The following RIMKLB variants were observed in gnomAD, a reference collection of about 807,000 sequenced individuals.
The protein encoded by RIMKLB is beta-citrylglutamate synthase B.
A neutral mutation model predicts 32.0 loss-of-function variants in RIMKLB; 7 were observed. That is an observed-to-expected ratio of 0.22 (90% CI 0.12 to 0.41). The LOEUF is 0.41. RIMKLB is among the 10% of genes least tolerant of loss of function. The pLI, the probability that RIMKLB is intolerant of heterozygous loss-of-function variation, is 1.00. For synonymous variants in RIMKLB, 172 were observed against 185.1 expected (o/e 0.93, Z 0.57); for missense variants, 289 against 498.7 (o/e 0.58, Z 4.00).
the RIMKLB span, among the ~76,000 whole-genome samples, chr12:8,671,354 A>G: frequency 3.3e-5 from 5 of 151,934 alleles, no homozygotes; most frequent in African/African-American, 9.7e-5. Context: ...AGGTTCAAGC[A>G]ATTATCCTGC....
At chr12:8,697,503 G>A (rs2136620741), upstream of RIMKLB, among the ~76,000 whole-genome samples, 1 of 152,208 alleles carries the variant, frequency 6.6e-6, no homozygotes, top group African/African-American at 2.4e-5. Context: ...GGCGCAGATT[G>A]ATGGGGCCTA....
At chr12:8,708,163 A>G (rs1238224019) in intron 1 of RIMKLB, among the ~76,000 whole-genome samples, 2 of 152,142 alleles carry the variant, frequency 1.3e-5, no homozygotes, top group East Asian at 3.8e-4. Flanking sequence ...AGAGTTTTAT[A>G]CATATTCTAT....
At chr12:8,759,114 A>T (rs1949313641) in intron 5 of RIMKLB, among the ~76,000 whole-genome samples, 3 of 152,146 alleles carry the variant, frequency 2.0e-5, no homozygotes, top group South Asian at 4.1e-4. Flanking sequence ...AAAAAAATGT[A>T]TGGCCAGGCA....
At chr12:8,719,779 A>G in intron 2 of RIMKLB, among the ~76,000 whole-genome samples, 1 of 152,246 alleles carries the variant, frequency 6.6e-6, no homozygotes, top group East Asian at 1.9e-4. Flanking sequence ...GCAAAAAGAT[A>G]TATAGAAAAC....
chr12:8,777,609 A>AAT, downstream of RIMKLB: 2 of 1,288,944 alleles, frequency 1.6e-6, no homozygotes, highest in Non-Finnish European at 2.0e-6. Flanking sequence ...GAGCCAAAAA[A>AAT]ACAAATACAA....
chr12:8,751,308 A>G (rs1565615002), intron 3 of RIMKLB, among the ~76,000 whole-genome samples: 1 of 152,190 alleles, frequency 6.6e-6, no homozygotes. Context: ...CACTTGTTTA[A>G]TGGACTTTTT....
At chr12:8,731,770 AT>A (rs1374102790) in intron 2 of RIMKLB, among the ~76,000 whole-genome samples, 3 of 150,958 alleles carry the variant, frequency 2.0e-5, no homozygotes, top group Non-Finnish European at 3.0e-5. Context: ...ATACCTGCGG[AT>A]TTTTTTTTAA....
chr12:8,671,296 G>A, the RIMKLB span, among the ~76,000 whole-genome samples: 6 of 151,702 alleles, frequency 4.0e-5, no homozygotes, highest in African/African-American at 7.3e-5. Flanking sequence ...TGTTGCCCAG[G>A]CTGGAGTGCA....
chr12:8,692,024 T>C (rs1942747874), intron 1 of RIMKLB, among the ~76,000 whole-genome samples: 1 of 152,148 alleles, frequency 6.6e-6, no homozygotes, highest in Admixed American at 6.5e-5. Flanking sequence ...CCTTTAATAC[T>C]TGATGCTTCC....
At chr12:8,687,951 G>C (rs936041432) in intron 1 of RIMKLB, among the ~76,000 whole-genome samples, 2 of 152,132 alleles carry the variant, frequency 1.3e-5, no homozygotes, top group African/African-American at 4.8e-5. Flanking sequence ...GAAAAGGAGG[G>C]GAGTCATTGC....
At chr12:8,762,330 C>T (rs1949597679) in intron 5 of RIMKLB, among the ~76,000 whole-genome samples, 1 of 152,146 alleles carries the variant, frequency 6.6e-6, no homozygotes, top group East Asian at 1.9e-4. Flanking sequence ...CGTGAGGTTC[C>T]CCATTCTATT....
chr12:8,678,400 G>C (rs1285209068), upstream of RIMKLB, among the ~76,000 whole-genome samples: 2 of 151,286 alleles, frequency 1.3e-5, no homozygotes, highest in East Asian at 3.9e-4. Context: ...GTGAGATCTT[G>C]GCTCACCGCA....
chr12:8,751,361 TAC>T (rs1948606648), intron 3 of RIMKLB, among the ~76,000 whole-genome samples: 1 of 152,248 alleles, frequency 6.6e-6, no homozygotes, highest in Non-Finnish European at 1.5e-5. Context: ...TTTTTGTAGC[TAC>T]AGTCTATTTT....
rs1005666548 is a variant in RIMKLB, at chr12:8,704,462, A to G, written c.-57+6165A>G. On this transcript the variant is annotated intron_variant, in intron 1 of 5. Coordinates refer to ENST00000535829, the MANE Select transcript of RIMKLB (RefSeq NM_001297776.2). ...ACTTAAACATGCTTATTTGTTGAAC[A>G]TGTTTTCAATCATGACTTAACCTGT... Among the ~76,000 whole-genome samples the G allele has an allele frequency of 3.9e-5, 6 of 152,330 alleles. No individual in the cohort carries two copies. The East Asian group carries it at 5.8e-4, about 15-fold the overall frequency.
chr12:8,755,630 T>C (rs896910751), intron 5 of RIMKLB, among the ~76,000 whole-genome samples: 4 of 152,200 alleles, frequency 2.6e-5, no homozygotes, highest in Admixed American at 6.5e-5. Flanking sequence ...TTCTTGCTTC[T>C]ACCCTTCCCT....
At chr12:8,692,243 A>G (rs777701952), upstream of RIMKLB, among the ~76,000 whole-genome samples, 4 of 152,238 alleles carry the variant, frequency 2.6e-5, no homozygotes, top group Non-Finnish European at 4.4e-5. Context: ...GCTCAACCTT[A>G]GAATGTTGCT....
chr12:8,762,729 G>C (rs1225959068), intron 5 of RIMKLB, among the ~76,000 whole-genome samples: 1 of 152,150 alleles, frequency 6.6e-6, no homozygotes, highest in African/African-American at 2.4e-5. Context: ...AGTTCTGCCA[G>C]CTGAGCGCTA....
chr12:8,669,884 G>A, the RIMKLB span, among the ~76,000 whole-genome samples: 22 of 151,684 alleles, frequency 1.5e-4, no homozygotes, highest in East Asian at 9.6e-4. Flanking sequence ...AAAATTAGCC[G>A]GGCGTGGTGG....
At chr12:8,709,833 T>C (rs750194999) in intron 1 of RIMKLB, among the ~76,000 whole-genome samples, 75 of 152,356 alleles carry the variant, frequency 4.9e-4, no homozygotes, top group African/African-American at 1.7e-3. Flanking sequence ...GTGCCTAATA[T>C]GCAAATTATC....
Sources: allele counts gnomAD v4.1 joint callset (sites outside exome capture counted in the v4.1 genomes callset), GRCh38; gene constraint gnomAD v4.1.1; transcripts MANE v1.5; gene names NCBI Gene and HGNC (gene_info 2026-07-23, HGNC 2026-07-21).